The following ATP6V0A4 variants were observed in gnomAD, a reference collection of about 807,000 sequenced individuals.
The protein encoded by ATP6V0A4 is ATPase H+ transporting V0 subunit a4, also known as V-type proton ATPase 116 kDa subunit a 4.
In ATP6V0A4, 86 loss-of-function variants were observed where a neutral mutation model predicts 107.3. The observed-to-expected ratio is 0.80, with a 90% CI of 0.67 to 0.96. The LOEUF (loss-of-function observed/expected upper bound fraction) is 0.96, where lower values mean the gene tolerates loss of function less well. Among genes scored for constraint, ATP6V0A4 ranks in the 40% least tolerant of loss-of-function variants. The pLI, the probability that ATP6V0A4 is intolerant of heterozygous loss-of-function variation, is 0.00. For synonymous variants in ATP6V0A4, 353 were observed against 381.4 expected, an observed-to-expected ratio of 0.93 and a Z score of 0.87; for missense variants, 908 against 1,045.6, an observed-to-expected ratio of 0.87 and a Z score of 1.81.
At chr7:138,724,146 C>A (rs1051276564) in intron 18 of ATP6V0A4, among the ~76,000 whole-genome samples, 1 of 144,946 alleles carries the variant, frequency 6.9e-6, no homozygotes, top group Non-Finnish European at 1.5e-5. Flanking sequence ...GCAGTGTTTG[C>A]GCCACTGCAC....
chr7:138,739,923 C>G (rs1371280239), intron 14 of ATP6V0A4, among the ~76,000 whole-genome samples: 1 of 151,760 alleles, frequency 6.6e-6, no homozygotes, highest in Non-Finnish European at 1.5e-5. Context: ...TGGGAGGATC[C>G]CTTAAGTCCA....
At chr7:138,779,107 A>G (rs1188109275) in intron 2 of ATP6V0A4, among the ~76,000 whole-genome samples, 3 of 152,148 alleles carry the variant, frequency 2.0e-5, no homozygotes, top group Non-Finnish European at 4.4e-5. Context: ...TTGGGAGGCC[A>G]AGACAGGTGG....
intron 17 of ATP6V0A4, 77 bp downstream of exon 17, chr7:138,732,800 A>T: frequency 7.1e-7 from 1 of 1,415,386 alleles, no homozygotes; most frequent in South Asian, 1.3e-5. Context: ...TCTCAAAAAA[A>T]AAAAAAGAGT....
intron 2 of ATP6V0A4, among the ~76,000 whole-genome samples, chr7:138,781,584 C>A (rs1363615042): frequency 6.6e-6 from 1 of 152,186 alleles, no homozygotes; most frequent in African/African-American, 2.4e-5. Context: ...CCCACCCTGG[C>A]CTCCCAAAGT....
chr7:138,749,332 A>G lies in ATP6V0A4; in HGVS notation c.1030-15T>C, dbSNP rs1286480341. The stretch of plus-strand genomic sequence containing the variant: ...CCACTTAGTTCCTGGAAAAAAAAAA[A>G]AAAGCGACAAAGATGTAAGGAGAAG... On this transcript the variant is annotated splice_polypyrimidine_tract_variant and intron_variant, in intron 11 of 21. Coordinates refer to ENST00000310018, the MANE Select transcript of ATP6V0A4 (RefSeq NM_020632.3). 1.6e-5 allele frequency: 25 copies of G among 1,610,208 alleles called. No individual in the cohort carries two copies. Among genetic ancestry groups the G allele is most frequent in the Non-Finnish European group, 2.1e-5 (25 of 1,179,750 alleles).
At chr7:138,781,843 CT>C (rs200102016) in intron 2 of ATP6V0A4, among the ~76,000 whole-genome samples, 1,366 of 72,772 alleles carry the variant, frequency 0.019, 19 homozygotes, top group African/African-American at 0.064. Flanking sequence ...CTCTCTCTCT[CT>C]TTTTTTTTTT....
chr7:138,790,587 AC>A (rs367770244), intron 1 of ATP6V0A4, among the ~76,000 whole-genome samples: 19 of 152,230 alleles, frequency 1.2e-4, no homozygotes, highest in African/African-American at 4.1e-4. Flanking sequence ...GAGCCACCAT[AC>A]CCAGTCCCAA....
intron 15 of ATP6V0A4, among the ~76,000 whole-genome samples, chr7:138,738,723 G>A (rs531563464): frequency 1.3e-5 from 2 of 152,284 alleles, no homozygotes; most frequent in South Asian, 4.1e-4. Flanking sequence ...CTTAAGAGGA[G>A]GTGACCTGTA....
chr7:138,777,663 C>T (rs984775083), intron 2 of ATP6V0A4, among the ~76,000 whole-genome samples: 1 of 147,300 alleles, frequency 6.8e-6, no homozygotes. Context: ...CACACACACA[C>T]ATATATATTA....
In ATP6V0A4 at chr7:138,749,224, C is replaced by A; in HGVS notation, c.1123G>T (p.Gly375Cys). The A allele has an allele frequency of 6.2e-7, 1 of 1,613,918 alleles. No individual in the cohort carries two copies. Among genetic ancestry groups the A allele is most frequent in the East Asian group, 2.2e-5 (1 of 44,876 alleles). ...TAGGCATCAACAATATTCTGGAAGC[C>A]AGCTGTGAATTTATTGGTCCTGTTA... Reference protein sequence around the residue: ...TFNRTNKFTAGFQNIVDAYGV... With the variant: ...TFNRTNKFTACFQNIVDAYGV... The change falls in exon 12 of 22, where the codon GGC becomes TGC. Residue 375 changes from glycine (G) to cysteine (C), a missense_variant. Gly to Cys is a radical substitution (Grantham distance 159). Transcript: ENST00000310018.
chr7:138,752,643 C>T lies in ATP6V0A4; in HGVS notation c.1011G>A (p.Arg337=), dbSNP rs1475080863. The T allele has an allele frequency of 3.1e-6, 5 of 1,613,600 alleles. No homozygotes were observed. Among genetic ancestry groups the T allele is most frequent in the Non-Finnish European group, 4.2e-6 (5 of 1,179,878 alleles). ...CACGCACCATGCCTTGCTCCAGTGCCCTCTTGATACGTGTGGCATCTGCCA... is the reference window on the plus strand; with the variant it reads ...CACGCACCATGCCTTGCTCCAGTGCTCTCTTGATACGTGTGGCATCTGCCA... ...FPVADATRIK[R]ALEQGMELSG... Residue 337 remains arginine (R), a synonymous_variant, in exon 11 of 22, where the codon AGG becomes AGA. Coordinates refer to ENST00000310018, the MANE Select transcript of ATP6V0A4 (RefSeq NM_020632.3).
intron 1 of ATP6V0A4, among the ~76,000 whole-genome samples, chr7:138,789,229 TTTG>T (rs1554403328): frequency 3.3e-5 from 5 of 151,468 alleles, no homozygotes; most frequent in African/African-American, 9.7e-5. Context: ...GGGGTTTTTT[TTTG>T]TTGTTGTTGT....
chr7:138,735,445 A>C (rs955444089), intron 15 of ATP6V0A4, among the ~76,000 whole-genome samples: 1 of 152,164 alleles, frequency 6.6e-6, no homozygotes, highest in Admixed American at 6.6e-5. Context: ...AGGGGCCAAC[A>C]TCCAACCAGA....
intron 14 of ATP6V0A4, among the ~76,000 whole-genome samples, chr7:138,741,150 A>ATAAAT (rs1164877917): frequency 6.6e-6 from 1 of 152,176 alleles, no homozygotes; most frequent in South Asian, 2.1e-4. Context: ...TCTACAAAAA[A>ATAAAT]TAAATTAAAT....
intron 18 of ATP6V0A4, among the ~76,000 whole-genome samples, chr7:138,724,025 C>CA (rs202234657): frequency 5.5e-4 from 72 of 131,748 alleles, no homozygotes; most frequent in South Asian, 1.3e-3. Context: ...TCCCATCTCT[C>CA]AAAAAAAAAA....
intron 2 of ATP6V0A4, among the ~76,000 whole-genome samples, chr7:138,781,377 C>CTGGA (rs1807912688): frequency 6.6e-6 from 1 of 151,712 alleles, no homozygotes; most frequent in African/African-American, 2.4e-5. Context: ...ATCACCAAGG[C>CTGGA]TGGAGTGCAG....
In ATP6V0A4 at chr7:138,736,012, G is replaced by A. The variant is rs191970723; in HGVS notation, c.1573-1758C>T. On this transcript the variant is annotated intron_variant, in intron 15 of 21. Transcript: ENST00000310018. Reference sequence around the variant, plus strand: ...GAACCCAGGAGGTGGAGGCTGTGGCGAGCCGAGATCGCACAATTGCACTCC... The same window carrying A: ...GAACCCAGGAGGTGGAGGCTGTGGCAAGCCGAGATCGCACAATTGCACTCC... Among the ~76,000 whole-genome samples, 688 of 145,640 alleles carry A rather than the reference G, an allele frequency of 4.7e-3. 6 individuals are homozygous for A. The highest frequency in any genetic ancestry group is 0.027 in the Middle Eastern group (7 of 256).
At position 138,728,832 on chromosome 7, in the gene ATP6V0A4, C is replaced by T. The variant is rs776128921; in HGVS notation, c.1939G>A (p.Ala647Thr). 9.3e-6 allele frequency: 15 copies of T among 1,614,194 alleles called. No individual in the cohort carries two copies. The highest frequency in any genetic ancestry group is 1.2e-5 in the Non-Finnish European group (14 of 1,180,044). ...QEVQSFFVVMALISVPWMLLI... is the reference protein window; with the variant it reads ...QEVQSFFVVMTLISVPWMLLI... ...AGCATCCACGGCACAGAAATCAAAG[C>T]CATAACCACAAAGAAACTTTGGACT... The change falls in exon 18 of 22, where the codon GCT becomes ACT. Residue 647 changes from alanine to threonine, a missense_variant. Ala to Thr is a moderately conservative substitution (Grantham distance 58, BLOSUM62 0). Coordinates refer to ENST00000310018, the MANE Select transcript of ATP6V0A4 (RefSeq NM_020632.3).
intron 14 of ATP6V0A4, among the ~76,000 whole-genome samples, chr7:138,741,316 G>A (rs547855326): frequency 5.9e-4 from 90 of 152,252 alleles, no homozygotes; most frequent in Middle Eastern, 3.4e-3. Context: ...GGCCCTCAAT[G>A]TGCAGTGGCA....
Sources: gnomAD v4.1 joint callset for allele counts (sites outside exome capture counted in the v4.1 genomes callset) on GRCh38, gnomAD v4.1.1 for gene constraint, MANE v1.5 for transcripts, NCBI Gene and HGNC (gene_info 2026-07-23, HGNC 2026-07-21) for gene names.